The following FRYL variants were observed in gnomAD, a reference collection of about 807,000 sequenced individuals.
FRYL encodes the protein FRY like transcription coactivator, also known as protein furry homolog-like.
Under a neutral mutation model 351.2 loss-of-function variants are expected in FRYL, and 150 were observed. The ratio of observed to expected loss-of-function variants is 0.43; its 90% CI spans 0.37 to 0.49. The LOEUF is 0.49. Among genes scored for constraint, FRYL ranks in the 20% least tolerant of loss-of-function variants. The pLI is 0.00. For synonymous variants in FRYL, 1,153 were observed against 1,257.1 expected (o/e 0.92, Z 1.75); for missense variants, 3,036 against 3,619.3 (o/e 0.84, Z 4.13).
chr4:48,564,222 A>G (rs1736211870), intron 30 of FRYL, 120 bp from the exon 31 acceptor site: 2 of 1,108,240 alleles, frequency 1.8e-6, no homozygotes, highest in Admixed American at 3.1e-5. Context: ...GAAAAATTCC[A>G]TCTCCTTTTG....
At chr4:48,725,290 C>A (rs986463597) in intron 1 of FRYL, among the ~76,000 whole-genome samples, 1 of 152,190 alleles carries the variant, frequency 6.6e-6, no homozygotes, top group Non-Finnish European at 1.5e-5. Context: ...CTTAATTGCT[C>A]CCCTCCATCA....
intron 41 of FRYL, 34 bp from the exon 42 acceptor site, chr4:48,546,305 C>CA (rs763781945): frequency 6.7e-7 from 1 of 1,503,420 alleles, no homozygotes; most frequent in Non-Finnish European, 9.2e-7. Flanking sequence ...ATACCTAAAA[C>CA]ATGAAAGAAT....
intron 53 of FRYL, among the ~76,000 whole-genome samples, chr4:48,527,086 G>C (rs1270040448): frequency 1.3e-5 from 2 of 152,128 alleles, no homozygotes; most frequent in African/African-American, 4.8e-5. Context: ...ATGTACATGA[G>C]AGTTGATGAA....
chr4:48,534,994 T>C (rs1728549998), intron 48 of FRYL, among the ~76,000 whole-genome samples: 1 of 152,192 alleles, frequency 6.6e-6, no homozygotes, highest in Non-Finnish European at 1.5e-5. Flanking sequence ...TCTCTTGCTT[T>C]TGACTTTCTC....
chr4:48,531,029 C>A, intron 50 of FRYL, 127 bp downstream of exon 50: 1 of 667,834 alleles, frequency 1.5e-6, no homozygotes, highest in Non-Finnish European at 2.6e-6. Flanking sequence ...CTTGGTTGTT[C>A]ATAACAGCTA....
At chr4:48,573,788 C>T (rs1193345142) in intron 25 of FRYL, among the ~76,000 whole-genome samples, 5 of 152,160 alleles carry the variant, frequency 3.3e-5, no homozygotes, top group East Asian at 1.9e-4. Flanking sequence ...CGACCTCAGG[C>T]GATTTGCCCG....
At chr4:48,687,641 C>A (rs114958910) in intron 2 of FRYL, among the ~76,000 whole-genome samples, 2 of 152,192 alleles carry the variant, frequency 1.3e-5, no homozygotes, top group South Asian at 4.1e-4. Context: ...AGAAATGCCA[C>A]AAATTTATCT....
intron 2 of FRYL, among the ~76,000 whole-genome samples, chr4:48,687,507 T>C (rs1040161373): frequency 1.8e-4 from 2 of 11,160 alleles, no homozygotes; most frequent in Non-Finnish European, 1.8e-4. Flanking sequence ...GGGGGGGGGG[T>C]GAGGGGGGAG....
At chr4:48,582,990 C>T (rs1741245840) in intron 19 of FRYL, among the ~76,000 whole-genome samples, 2 of 152,118 alleles carry the variant, frequency 1.3e-5, no homozygotes, top group South Asian at 4.1e-4. Context: ...AAGTTTGATA[C>T]AAATGACATT....
At position 48,575,101 on chromosome 4, in the gene FRYL, G is replaced by A. The variant is rs1431602534; in HGVS notation, c.2846+16C>T. 6.2e-7 allele frequency: 1 copy of A among 1,611,790 alleles called. No homozygotes were observed. Among genetic ancestry groups the A allele is most frequent in the Non-Finnish European group, 8.5e-7 (1 of 1,178,324 alleles). ...TATTCTTTTAGGACATAGAAAAAATGTACGAACATAGTTACCTAAAAGCTC... is the reference window on the plus strand; with the variant it reads ...TATTCTTTTAGGACATAGAAAAAATATACGAACATAGTTACCTAAAAGCTC... On this transcript the variant is annotated intron_variant, in intron 25 of 63. Transcript: ENST00000358350.
At chr4:48,751,843 T>TC (rs1184976473) in intron 1 of FRYL, among the ~76,000 whole-genome samples, 1 of 151,472 alleles carries the variant, frequency 6.6e-6, no homozygotes, top group Non-Finnish European at 1.5e-5. Flanking sequence ...ATTCAATTTT[T>TC]TTTTTTTTTT....
chr4:48,745,018 C>G (rs1177519320), intron 1 of FRYL, among the ~76,000 whole-genome samples: 1 of 152,140 alleles, frequency 6.6e-6, no homozygotes, highest in Non-Finnish European at 1.5e-5. Flanking sequence ...ATAAATTGTG[C>G]ATTTATAGGG....
At chr4:48,760,832 A>T (rs1026199431) in intron 1 of FRYL, among the ~76,000 whole-genome samples, 4 of 152,056 alleles carry the variant, frequency 2.6e-5, no homozygotes, top group African/African-American at 9.7e-5. Flanking sequence ...GTGCACAACC[A>T]TGGCAGGCTA....
intron 53 of FRYL, 41 bp from the exon 54 acceptor site, chr4:48,523,145 G>T: frequency 7.5e-7 from 1 of 1,327,172 alleles, no homozygotes; most frequent in Non-Finnish European, 1.1e-6. Context: ...TCAAATACAT[G>T]CTTCTAAATG....
chr4:48,702,348 C>G (rs570081409), intron 2 of FRYL, among the ~76,000 whole-genome samples: 1 of 149,152 alleles, frequency 6.7e-6, no homozygotes, highest in Non-Finnish European at 1.5e-5. Context: ...CCCAGCTACT[C>G]AGGAGGCTGA....
At chr4:48,779,008 C>T (rs1443391614) in intron 1 of FRYL, among the ~76,000 whole-genome samples, 1 of 151,508 alleles carries the variant, frequency 6.6e-6, no homozygotes, top group African/African-American at 2.4e-5. Flanking sequence ...AACCCCCACC[C>T]CCTTTTTTTT....
In FRYL at chr4:48,729,459, G is replaced by T. The variant is rs575485530; in HGVS notation, c.-383-18761C>A. Among the ~76,000 whole-genome samples the T allele has an allele frequency of 5.9e-5, 9 of 152,348 alleles. No homozygotes were observed. In the South Asian group the frequency reaches 1.9e-3, roughly 32 times the overall value. On this transcript the variant is annotated intron_variant, in intron 1 of 63. Transcript: ENST00000358350. ...CAAATGGGTCTCTGACCCCTGTGTA[G>T]CCTGACTGGAAGACACCTCTCAGTA...
intron 1 of FRYL, among the ~76,000 whole-genome samples, chr4:48,771,494 A>G (rs1775502688): frequency 6.6e-6 from 1 of 152,226 alleles, no homozygotes; most frequent in African/African-American, 2.4e-5. Context: ...CAAGAAGTAG[A>G]CTAGCAAGTC....
At chr4:48,712,760 T>C (rs1282015867) in intron 1 of FRYL, among the ~76,000 whole-genome samples, 7 of 151,680 alleles carry the variant, frequency 4.6e-5, no homozygotes, top group African/African-American at 1.7e-4. Context: ...CCAAGACAAC[T>C]CCAAGACACA....
Sources: gnomAD v4.1 joint callset for allele counts (sites outside exome capture counted in the v4.1 genomes callset) on GRCh38, gnomAD v4.1.1 for gene constraint, MANE v1.5 for transcripts, NCBI Gene and HGNC (gene_info 2026-07-23, HGNC 2026-07-21) for gene names.